The following SFMBT2 variants were observed in gnomAD, a reference collection of about 807,000 sequenced individuals.
The protein encoded by SFMBT2 is scm-like with four MBT domains protein 2.
SFMBT2 carries 38 observed loss-of-function variants against 110.1 expected under a neutral mutation model. The ratio of observed to expected loss-of-function variants is 0.35; its 90% CI spans 0.27 to 0.45. SFMBT2 has a LOEUF of 0.45. SFMBT2 is among the 20% of genes least tolerant of loss of function. The pLI, the probability that SFMBT2 is intolerant of heterozygous loss-of-function variation, is 1.00. For missense variants in SFMBT2, 1,011 were observed against 1,094.9 expected (o/e 0.92, Z 1.08); for synonymous variants, 425 against 425.4 (o/e 1.00, Z 0.01).
At chr10:7,346,289 C>T (rs1844106385) in intron 4 of SFMBT2, among the ~76,000 whole-genome samples, 1 of 152,070 alleles carries the variant, frequency 6.6e-6, no homozygotes, top group Non-Finnish European at 1.5e-5. Context: ...ATCTTTCTGA[C>T]CCCGGTGTTC....
chr10:7,336,905 GA>G (rs796450390), intron 4 of SFMBT2, among the ~76,000 whole-genome samples: 12 of 152,312 alleles, frequency 7.9e-5, no homozygotes, highest in African/African-American at 2.9e-4. Context: ...AACAGAGACA[GA>G]GGGTATTCAA....
At chr10:7,268,318 ATTGT>A (rs1346609826) in intron 7 of SFMBT2, among the ~76,000 whole-genome samples, 1 of 152,222 alleles carries the variant, frequency 6.6e-6, no homozygotes, top group Non-Finnish European at 1.5e-5. Context: ...AATAAACTTC[ATTGT>A]TTGATGACAG....
At chr10:7,270,148 CA>C (rs1841535291) in intron 7 of SFMBT2, among the ~76,000 whole-genome samples, 1 of 152,036 alleles carries the variant, frequency 6.6e-6, no homozygotes, top group African/African-American at 2.4e-5. Context: ...GTCTTGTAAG[CA>C]GAGAGAAATT....
intron 10 of SFMBT2, among the ~76,000 whole-genome samples, chr10:7,221,911 G>A (rs969053870): frequency 5.9e-5 from 9 of 152,064 alleles, no homozygotes; most frequent in Admixed American, 5.9e-4. Flanking sequence ...CCTTGCATTG[G>A]GGACCTTTGG....
chr10:7,355,761 G>A (rs571626246), intron 4 of SFMBT2, among the ~76,000 whole-genome samples: 8 of 152,268 alleles, frequency 5.3e-5, no homozygotes, highest in African/African-American at 1.4e-4. Context: ...GCAGTAAGCC[G>A]AGATAGAGCC....
At chr10:7,190,586 G>A (rs187454108) in intron 15 of SFMBT2, among the ~76,000 whole-genome samples, 40 of 152,334 alleles carry the variant, frequency 2.6e-4, no homozygotes. Context: ...GGAATTGTGA[G>A]CTGAATAATT....
chr10:7,294,024 A>G (rs1232507523), intron 4 of SFMBT2, among the ~76,000 whole-genome samples: 1 of 152,012 alleles, frequency 6.6e-6, no homozygotes, highest in Non-Finnish European at 1.5e-5. Flanking sequence ...TCCCAAAGGG[A>G]CCCCAGGAGT....
intron 1 of SFMBT2, among the ~76,000 whole-genome samples, chr10:7,389,892 A>C (rs1845720922): frequency 6.6e-6 from 1 of 152,148 alleles, no homozygotes; most frequent in Non-Finnish European, 1.5e-5. Context: ...TCCCCTCTCA[A>C]CCCTATCTTT....
At chr10:7,381,648 C>T (rs535677130) in intron 2 of SFMBT2, 151 bp downstream of exon 2, 12 of 727,062 alleles carry the variant, frequency 1.7e-5, no homozygotes, top group East Asian at 5.9e-5. Flanking sequence ...AATTTTAGAG[C>T]GGCCATATCC....
chr10:7,278,936 A>G (rs1340253675), intron 6 of SFMBT2, among the ~76,000 whole-genome samples: 1 of 152,016 alleles, frequency 6.6e-6, no homozygotes, highest in Non-Finnish European at 1.5e-5. Flanking sequence ...AAAACAAAAC[A>G]AAACAAAAAC....
Position 7,248,565 on chromosome 10 carries a change from G to A in SFMBT2, c.955C>T (p.Pro319Ser). The A allele has an allele frequency of 6.2e-7, 1 of 1,614,140 alleles. No individual in the cohort carries two copies. The highest frequency in any genetic ancestry group is 1.3e-5 in the African/African-American group (1 of 75,054). ...VNMCEPFYIS[P>S]ASVTKVFNNH... The stretch of plus-strand genomic sequence containing the variant: ...AAACCCACCTTAGTCACCGACGCAG[G>A]AGAGATGTAAAAGGGCTCGCACATA... Residue 319 changes from proline to serine, a missense_variant, in exon 8 of 21, where the codon CCT (proline) becomes TCT (serine). Physicochemically the swap from Pro to Ser is moderately conservative, Grantham distance 74 (BLOSUM62 -1). Transcript: ENST00000397167.
intron 11 of SFMBT2, chr10:7,206,432 AC>A (rs1399528529): frequency 1.0e-6 from 1 of 985,318 alleles, no homozygotes; most frequent in African/African-American, 1.7e-5. Flanking sequence ...GCTAAACGGA[AC>A]CAGTCAAACT....
At chr10:7,246,323 G>T (rs1840607493) in intron 8 of SFMBT2, 3 of 214,810 alleles carry the variant, frequency 1.4e-5, no homozygotes, top group Non-Finnish European at 2.4e-5. Context: ...AGTCTATTCA[G>T]CTAGAAAAAG....
At chr10:7,255,980 G>A (rs1840993150) in intron 7 of SFMBT2, among the ~76,000 whole-genome samples, 1 of 152,178 alleles carries the variant, frequency 6.6e-6, no homozygotes, top group Non-Finnish European at 1.5e-5. Context: ...TCTGGTCCCA[G>A]GCATTTTGGA....
intron 4 of SFMBT2, among the ~76,000 whole-genome samples, chr10:7,325,349 A>T (rs922332487): frequency 2.0e-5 from 3 of 152,134 alleles, no homozygotes; most frequent in Non-Finnish European, 4.4e-5. Flanking sequence ...TTCAGGCCAT[A>T]ACCAATATTA....
intron 17 of SFMBT2, among the ~76,000 whole-genome samples, chr10:7,175,764 A>G (rs963344517): frequency 6.6e-6 from 1 of 152,186 alleles, no homozygotes; most frequent in Admixed American, 6.5e-5. Context: ...AGGCCTACCA[A>G]TGAAAATTCA....
At chr10:7,375,891 C>A (rs1046498905) in intron 2 of SFMBT2, among the ~76,000 whole-genome samples, 1 of 151,898 alleles carries the variant, frequency 6.6e-6, no homozygotes, top group African/African-American at 2.4e-5. Context: ...CAGTTCCCAG[C>A]GTGAAGAGTG....
At chr10:7,182,866 TA>T (rs796230508) in intron 16 of SFMBT2, among the ~76,000 whole-genome samples, 30 of 144,824 alleles carry the variant, frequency 2.1e-4, no homozygotes, top group African/African-American at 3.8e-4. Flanking sequence ...TAAAGTATAA[TA>T]AAAAAAAAAG....
chr10:7,199,896 C>T (rs1320564013), intron 14 of SFMBT2, among the ~76,000 whole-genome samples: 1 of 152,142 alleles, frequency 6.6e-6, no homozygotes, highest in Admixed American at 6.5e-5. Flanking sequence ...CAGAGGGTAG[C>T]TCACAAATGT....
Sources: gnomAD v4.1 joint callset for allele counts (sites outside exome capture counted in the v4.1 genomes callset) on GRCh38, gnomAD v4.1.1 for gene constraint, MANE v1.5 for transcripts, NCBI Gene and HGNC (gene_info 2026-07-23, HGNC 2026-07-21) for gene names.